The following SUPT3H variants were observed in gnomAD, a reference collection of about 807,000 sequenced individuals.
SUPT3H encodes SPT3 homolog, SAGA and STAGA complex component.
Under a neutral mutation model 44.3 loss-of-function variants are expected in SUPT3H, and 44 were observed. That is an observed-to-expected ratio of 0.99 (90% CI 0.78 to 1.28). The LOEUF is 1.28. SUPT3H is among the 50% of genes most tolerant of loss of function. The pLI is 0.00. For missense variants in SUPT3H, 380 were observed against 387.1 expected, an observed-to-expected ratio of 0.98 and a Z score of 0.15; for synonymous variants, 124 against 125.6, an observed-to-expected ratio of 0.99 and a Z score of 0.09.
chr6:45,120,774 G>A (rs1279635298), intron 2 of SUPT3H, among the ~76,000 whole-genome samples: 3 of 152,230 alleles, frequency 2.0e-5, no homozygotes, highest in East Asian at 1.9e-4. Context: ...CAAGAATTAA[G>A]GGTAAATATT....
At chr6:44,863,709 A>G (rs1775034369) in intron 10 of SUPT3H, among the ~76,000 whole-genome samples, 1 of 152,102 alleles carries the variant, frequency 6.6e-6, no homozygotes, top group Admixed American at 6.5e-5. Context: ...CTGCTGATAA[A>G]GACATACTCA....
intron 9 of SUPT3H, among the ~76,000 whole-genome samples, chr6:44,949,667 A>G (rs1773968649): frequency 6.6e-6 from 1 of 152,042 alleles, no homozygotes; most frequent in Admixed American, 6.5e-5. Flanking sequence ...AGTAAGATAC[A>G]TAAATGGCCA....
intron 2 of SUPT3H, among the ~76,000 whole-genome samples, chr6:45,333,650 AT>A (rs1020073798): frequency 1.7e-4 from 25 of 151,446 alleles, no homozygotes; most frequent in African/African-American, 5.8e-4. Flanking sequence ...AAAAACAATC[AT>A]TTTTTATATC....
intron 11 of SUPT3H, among the ~76,000 whole-genome samples, chr6:44,817,096 A>T (rs1161024424): frequency 1.2e-5 from 1 of 84,770 alleles, no homozygotes; most frequent in African/African-American, 3.7e-5. Flanking sequence ...ATATAAATAT[A>T]CACATACATA....
At chr6:45,279,604 G>A (rs758324156) in intron 2 of SUPT3H, among the ~76,000 whole-genome samples, 1 of 152,086 alleles carries the variant, frequency 6.6e-6, no homozygotes, top group Non-Finnish European at 1.5e-5. Context: ...CACCACGACT[G>A]TAAACTTTCT....
intron 2 of SUPT3H, among the ~76,000 whole-genome samples, chr6:45,198,187 C>CA (rs201929317): frequency 2.0e-5 from 3 of 150,122 alleles, no homozygotes; most frequent in South Asian, 2.1e-4. Context: ...CAGGCAGGAA[C>CA]AAAAAAATAT....
At chr6:44,867,671 A>G (rs1775719321) in intron 10 of SUPT3H, among the ~76,000 whole-genome samples, 1 of 152,116 alleles carries the variant, frequency 6.6e-6, no homozygotes, top group Admixed American at 6.5e-5. Flanking sequence ...GTAGAATCTC[A>G]TTGGTTCACA....
chr6:45,342,257 T>C (rs541545996), intron 2 of SUPT3H, among the ~76,000 whole-genome samples: 65 of 152,190 alleles, frequency 4.3e-4, no homozygotes, highest in African/African-American at 1.5e-3. Context: ...AAGTTATATA[T>C]AACACAATCT....
At chr6:45,184,750 G>A (rs907121586) in intron 2 of SUPT3H, among the ~76,000 whole-genome samples, 2 of 134,434 alleles carry the variant, frequency 1.5e-5, no homozygotes, top group Non-Finnish European at 3.1e-5. Flanking sequence ...AGAAGACTCC[G>A]ATGTAGAACC....
Position 44,923,525 on chromosome 6 carries a change from C to T in SUPT3H, c.912+9128G>A, listed in dbSNP as rs3799983. ...ATATTTAAAGCAGCCCAAATATACT[C>T]TGAATAAAATTGTGCAAGTAAGTCT... is the stretch of plus-strand genomic sequence containing the variant. On this transcript the variant is annotated intron_variant, in intron 10 of 10. Transcript: ENST00000371459. Among the ~76,000 whole-genome samples, 40 of 152,168 alleles carry T rather than the reference C, an allele frequency of 2.6e-4. No individual in the cohort carries two copies. In the East Asian group the frequency reaches 5.8e-3, roughly 22 times the overall value.
chr6:44,854,103 GACATTCAGTCATTTAA>G (rs1350746723), intron 10 of SUPT3H, among the ~76,000 whole-genome samples: 2 of 152,060 alleles, frequency 1.3e-5, no homozygotes, highest in African/African-American at 2.4e-5. Context: ...TCACTGCCAT[GACATTCAGTCATTTAA>G]ACAGATGAAA....
At chr6:45,260,367 C>T (rs950988930) in intron 2 of SUPT3H, among the ~76,000 whole-genome samples, 4 of 152,026 alleles carry the variant, frequency 2.6e-5, no homozygotes, top group Non-Finnish European at 5.9e-5. Flanking sequence ...TTGTGGTTTA[C>T]CTAAATAATC....
chr6:45,265,766 C>T (rs1775148107), intron 2 of SUPT3H, among the ~76,000 whole-genome samples: 1 of 151,876 alleles, frequency 6.6e-6, no homozygotes, highest in South Asian at 2.1e-4. Context: ...AAAAATTATG[C>T]CATTTGGATA....
intron 6 of SUPT3H, among the ~76,000 whole-genome samples, chr6:44,995,529 C>T (rs1781157370): frequency 6.6e-6 from 1 of 152,040 alleles, no homozygotes; most frequent in South Asian, 2.1e-4. Context: ...TTTCTAACTG[C>T]TAGTATTTCA....
chr6:45,278,669 A>T (rs1340300258), intron 2 of SUPT3H, among the ~76,000 whole-genome samples: 1 of 152,224 alleles, frequency 6.6e-6, no homozygotes, highest in Non-Finnish European at 1.5e-5. Context: ...TTTAAATGTC[A>T]TTGCAAAAGA....
intron 2 of SUPT3H, among the ~76,000 whole-genome samples, chr6:45,120,591 A>G (rs1486311609): frequency 6.6e-6 from 1 of 152,098 alleles, no homozygotes; most frequent in African/African-American, 2.4e-5. Flanking sequence ...AATTCAGAAG[A>G]TTAAGAGGAA....
At chr6:44,911,567 A>C (rs1189184778) in intron 10 of SUPT3H, among the ~76,000 whole-genome samples, 1 of 152,200 alleles carries the variant, frequency 6.6e-6, no homozygotes, top group African/African-American at 2.4e-5. Flanking sequence ...AAATTTTTAA[A>C]ATAAAGCTGC....
chr6:44,888,254 G>C (rs1339773150), intron 10 of SUPT3H, among the ~76,000 whole-genome samples: 2 of 152,060 alleles, frequency 1.3e-5, no homozygotes, highest in South Asian at 2.1e-4. Flanking sequence ...AATCCTCCCT[G>C]ACTCATTTTA....
intron 10 of SUPT3H, among the ~76,000 whole-genome samples, chr6:44,847,451 A>T (rs899797001): frequency 3.3e-4 from 50 of 152,028 alleles, no homozygotes; most frequent in African/African-American, 1.2e-3. Context: ...CTGGTTGAAT[A>T]CTAATTTTTA....
Sources: gnomAD v4.1 joint callset for allele counts (sites outside exome capture counted in the v4.1 genomes callset) on GRCh38, gnomAD v4.1.1 for gene constraint, MANE v1.5 for transcripts, NCBI Gene and HGNC (gene_info 2026-07-23, HGNC 2026-07-21) for gene names.